PGCKA1: variants seen among roughly 807,000 people sequenced by gnomAD.
The protein encoded by PGCKA1 is PDCD10 and GCKIII kinases associated 1.
chr4:37,462,771 A>G, the PGCKA1 span, among the ~76,000 whole-genome samples: 1 of 151,974 alleles, frequency 6.6e-6, no homozygotes, highest in Non-Finnish European at 1.5e-5. Context: ...AAAAATGTCC[A>G]TAGATGAGGT....
At chr4:37,478,151 CA>C in the PGCKA1 span, among the ~76,000 whole-genome samples, 63,383 of 120,684 alleles carry the variant, frequency 0.53, 17,962 homozygotes, top group South Asian at 0.65. Context: ...CACCCCCCCC[CA>C]CCGCCACTTA....
At chr4:37,482,491 G>A in the PGCKA1 span, among the ~76,000 whole-genome samples, 1 of 152,174 alleles carries the variant, frequency 6.6e-6, no homozygotes, top group Non-Finnish European at 1.5e-5. Context: ...AGAGTATCTG[G>A]CAGAAGAAAA....
chr4:37,477,774 C>T, the PGCKA1 span, among the ~76,000 whole-genome samples: 1 of 152,106 alleles, frequency 6.6e-6, no homozygotes, highest in Admixed American at 6.6e-5. Context: ...TGGGTAAAAA[C>T]AAGAAACTTC....
At chr4:37,474,578 C>T in the PGCKA1 span, among the ~76,000 whole-genome samples, 8 of 152,282 alleles carry the variant, frequency 5.3e-5, no homozygotes, top group South Asian at 4.1e-4. Context: ...GGGAAGACTC[C>T]ATTATCATTT....
chr4:37,487,085 C>T, the PGCKA1 span, among the ~76,000 whole-genome samples: 1 of 152,128 alleles, frequency 6.6e-6, no homozygotes, highest in Non-Finnish European at 1.5e-5. Context: ...GGAGATGGTA[C>T]GAGTGACATC....
the PGCKA1 span, among the ~76,000 whole-genome samples, chr4:37,528,581 G>A: frequency 6.6e-6 from 1 of 152,054 alleles, no homozygotes; most frequent in East Asian, 1.9e-4. Flanking sequence ...CTGGCACTAG[G>A]TGGGTTTTAA....
At chr4:37,554,824 A>G in the PGCKA1 span, among the ~76,000 whole-genome samples, 7 of 152,234 alleles carry the variant, frequency 4.6e-5, no homozygotes, top group Non-Finnish European at 8.8e-5. Context: ...AAGCATTGGC[A>G]TTAAAGAATA....
the PGCKA1 span, among the ~76,000 whole-genome samples, chr4:37,493,817 G>A: frequency 1.3e-5 from 2 of 152,094 alleles, no homozygotes; most frequent in East Asian, 3.9e-4. Context: ...AATAGGTGAC[G>A]ACATGTGAAG....
the PGCKA1 span, among the ~76,000 whole-genome samples, chr4:37,541,872 C>A: frequency 6.6e-6 from 1 of 152,078 alleles, no homozygotes. Context: ...TTATTTGGGG[C>A]CTACATACAG....
the PGCKA1 span, among the ~76,000 whole-genome samples, chr4:37,550,332 A>G: frequency 6.6e-6 from 1 of 152,020 alleles, no homozygotes; most frequent in South Asian, 2.1e-4. Flanking sequence ...AATAGGGTGC[A>G]GTTCTCTAGA....
the PGCKA1 span, among the ~76,000 whole-genome samples, chr4:37,472,371 T>A: frequency 1.3e-5 from 2 of 152,338 alleles, no homozygotes; most frequent in East Asian, 3.9e-4. Flanking sequence ...TTGTCCTGAA[T>A]CTATCAACTC....
the PGCKA1 span, among the ~76,000 whole-genome samples, chr4:37,498,199 G>C: frequency 3.0e-4 from 46 of 152,224 alleles, no homozygotes; most frequent in African/African-American, 1.1e-3. Flanking sequence ...TGTTTGCCTT[G>C]TCAAAGATCA....
the PGCKA1 span, among the ~76,000 whole-genome samples, chr4:37,513,636 A>G: frequency 6.6e-6 from 1 of 152,220 alleles, no homozygotes; most frequent in Non-Finnish European, 1.5e-5. Flanking sequence ...TAGGGCTGCA[A>G]CATATGAACT....
chr4:37,499,002 A>T, the PGCKA1 span, among the ~76,000 whole-genome samples: 417 of 152,324 alleles, frequency 2.7e-3, 3 homozygotes, highest in African/African-American at 9.6e-3. Context: ...TGTTCCTTCA[A>T]TGCCTAGTTT....
chr4:37,583,802 A>C, the PGCKA1 span, among the ~76,000 whole-genome samples: 51 of 152,340 alleles, frequency 3.3e-4, no homozygotes, highest in Middle Eastern at 3.4e-3. Flanking sequence ...GTGTAAACTA[A>C]GAAGTGGTTG....
At chr4:37,500,962 C>G in the PGCKA1 span, among the ~76,000 whole-genome samples, 1 of 152,016 alleles carries the variant, frequency 6.6e-6, no homozygotes, top group African/African-American at 2.4e-5. Flanking sequence ...TTTTCATTTG[C>G]TTGGTAGATT....
At chr4:37,546,959 G>A in the PGCKA1 span, among the ~76,000 whole-genome samples, 3 of 152,370 alleles carry the variant, frequency 2.0e-5, no homozygotes, top group South Asian at 4.1e-4. Flanking sequence ...CTCCATTTGA[G>A]TGGAAGTGTG....
At chr4:37,520,579 T>C in the PGCKA1 span, among the ~76,000 whole-genome samples, 7 of 152,294 alleles carry the variant, frequency 4.6e-5, no homozygotes, top group South Asian at 1.5e-3. Flanking sequence ...TATTGAACCT[T>C]TGAATTTTTA....
At chr4:37,550,376 TTAAG>T in the PGCKA1 span, among the ~76,000 whole-genome samples, 5 of 149,544 alleles carry the variant, frequency 3.3e-5, no homozygotes, top group Non-Finnish European at 5.9e-5. Context: ...AAAAAAAAAA[TTAAG>T]TATATCTGTC....
Sources: gnomAD v4.1 joint callset for allele counts (sites outside exome capture counted in the v4.1 genomes callset) on GRCh38, gnomAD v4.1.1 for gene constraint, MANE v1.5 for transcripts, NCBI Gene and HGNC (gene_info 2026-07-23, HGNC 2026-07-21) for gene names.